The following NOX1 variants were observed in gnomAD, a reference collection of about 807,000 sequenced individuals.
The protein encoded by NOX1 is NADPH oxidase 1, also known as NADH/NADPH mitogenic oxidase subunit P65-MOX.
A neutral mutation model predicts 42.5 loss-of-function variants in NOX1; 34 were observed. That is an observed-to-expected ratio of 0.80 (90% CI 0.61 to 1.07). The LOEUF (loss-of-function observed/expected upper bound fraction) is 1.07. Ranked by LOEUF, NOX1 falls within the 50% of genes least tolerant of loss-of-function variation. The pLI is 0.00. For missense variants in NOX1, 408 were observed against 427.0 expected (o/e 0.96, Z 0.39); for synonymous variants, 143 against 152.5 (o/e 0.94, Z 0.46).
chrX:100,853,404 G>T (rs191631207), intron 7 of NOX1, among the ~76,000 whole-genome samples: 25 of 49,075 alleles, frequency 5.1e-4, no homozygotes, highest in African/African-American at 8.7e-4. Context: ...TCTTCCTTGC[G>T]TCCTTCCTTT....
At position 100,862,217 on chromosome X, in the gene NOX1, C is replaced by T. The variant is rs767549745; in HGVS notation, c.758G>A (p.Arg253His). 6.6e-6 allele frequency: 8 copies of T among 1,209,837 alleles called. No homozygotes were observed. The East Asian group carries it at 1.2e-4, about 18-fold the overall frequency. The change falls in exon 7 of 13, where the codon CGT becomes CAT. Residue 253 changes from arginine (R) to histidine (H), a missense_variant. Physicochemically the swap from Arg to His is conservative, Grantham distance 29 (BLOSUM62 0). Coordinates refer to ENST00000372966, the MANE Select transcript of NOX1 (RefSeq NM_007052.5). ...CTTAGGGCGCCTACAGTGGGAGTCA[C>T]GATCATCCCACATCTCAAAAGACTC... ...CAESFEMWDD[R>H]DSHCRRPKFE... is the part of the protein sequence containing the mutation.
In NOX1 at chrX:100,843,857, T is replaced by G; in HGVS notation, c.*95A>C. 2.7e-6 allele frequency: 2 copies of G among 746,371 alleles called. No individual in the cohort carries two copies. The highest frequency in any genetic ancestry group is 3.8e-4 in the Middle Eastern group (1 of 2,611). The allele number at this position is 746,371 out of a possible 1,213,427, so 61.5% of individuals were successfully genotyped here. A position where few individuals can be genotyped will look rare whatever the true frequency, so the allele number is the denominator to read the frequency against. Reference sequence around the variant, plus strand: ...GAGTCAAGGCTTGAGAGGCACATTCTTATCCTAAAGTGACTGCTCAAACCT... The same window carrying G: ...GAGTCAAGGCTTGAGAGGCACATTCGTATCCTAAAGTGACTGCTCAAACCT... On this transcript the variant is annotated 3_prime_UTR_variant, in exon 13 of 13. Coordinates refer to ENST00000372966, the MANE Select transcript of NOX1 (RefSeq NM_007052.5).
At chrX:100,866,488 CTGTGTGTGTGTG>C (rs36112590) in intron 2 of NOX1, among the ~76,000 whole-genome samples, 7 of 96,697 alleles carry the variant, frequency 7.2e-5, no homozygotes, top group South Asian at 5.1e-4. Flanking sequence ...GTGTGTGTCC[CTGTGTGTGTGTG>C]TGTGTGTGTG....
intron 1 of NOX1, among the ~76,000 whole-genome samples, chrX:100,873,528 T>C (rs2085288775): frequency 8.9e-6 from 1 of 112,270 alleles, no homozygotes; most frequent in South Asian, 3.7e-4. Context: ...AATAAAAATA[T>C]GTAAATTAGC....
chrX:100,870,909 T>C, intron 1 of NOX1, 95 bp from the exon 2 acceptor site: 1 of 547,860 alleles, frequency 1.8e-6, no homozygotes, highest in Non-Finnish European at 3.0e-6. Flanking sequence ...TGTCGCCGTT[T>C]TGGCTATTTT....
At position 100,850,184 on chromosome X, in the gene NOX1, C is replaced by G; in HGVS notation, c.1100G>C (p.Arg367Thr). ...AAGDWTENLI[R>T]AFEQQYSPIP... Reference sequence around the variant, plus strand: ...TGGTGAATATTGTTGTTCGAAAGCCCTTATGAGATTTTCTGTCCAGTCCCC... The same window carrying G: ...TGGTGAATATTGTTGTTCGAAAGCCGTTATGAGATTTTCTGTCCAGTCCCC... Residue 367 changes from arginine to threonine, a missense_variant, in exon 9 of 13, where the codon AGG becomes ACG. Arg to Thr is a moderately conservative substitution (Grantham distance 71). Coordinates refer to ENST00000372966, the MANE Select transcript of NOX1 (RefSeq NM_007052.5). 1.7e-6 allele frequency: 2 copies of G among 1,211,111 alleles called. No individual in the cohort carries two copies. The highest frequency in any genetic ancestry group is 2.2e-6 in the Non-Finnish European group (2 of 894,979).
intron 2 of NOX1, among the ~76,000 whole-genome samples, chrX:100,866,899 T>A (rs1430131502): frequency 1.8e-5 from 2 of 111,509 alleles, no homozygotes; most frequent in Admixed American, 1.9e-4. Flanking sequence ...CACTTGTGAC[T>A]GGGCATGGTC....
chrX:100,855,266 C>T (rs2085158428), intron 7 of NOX1: 1 of 561,699 alleles, frequency 1.8e-6, no homozygotes, highest in East Asian at 3.4e-5. Flanking sequence ...GCTCTCCTCT[C>T]CTGCTAAGCT....
chrX:100,864,890 T>C (rs945769114), intron 2 of NOX1, among the ~76,000 whole-genome samples: 1 of 112,290 alleles, frequency 8.9e-6, no homozygotes, highest in Non-Finnish European at 1.9e-5. Context: ...CAGCCTTACA[T>C]TGTGTGCCTG....
intron 2 of NOX1, among the ~76,000 whole-genome samples, chrX:100,865,888 A>C (rs953402537): frequency 2.7e-5 from 3 of 112,238 alleles, no homozygotes; most frequent in African/African-American, 9.7e-5. Flanking sequence ...ACCTGGTATG[A>C]GCTGGTTTCA....
Position 100,862,688 on chromosome X carries a change from G to A in NOX1, c.470C>T (p.Pro157Leu). 1 of 1,195,055 alleles carries A rather than the reference G, an allele frequency of 8.4e-7. No individual in the cohort carries two copies. Among genetic ancestry groups the A allele is most frequent in the Non-Finnish European group, 1.1e-6 (1 of 889,863 alleles). ...ACTCACCGTGTTTCGGGACTGGATG[G>A]GATTTAGCCAAGAACCCCCCTTTTT... ...DEKKGGSWLN[P>L]IQSRNTTVEY... The change falls in exon 5 of 13, where the codon CCC (proline) becomes CTC (leucine). Residue 157 changes from proline (P) to leucine (L), a missense_variant. Physicochemically the swap from Pro to Leu is moderately conservative, Grantham distance 98 (BLOSUM62 -3). Coordinates refer to ENST00000372966, the MANE Select transcript of NOX1 (RefSeq NM_007052.5).
intron 1 of NOX1, among the ~76,000 whole-genome samples, chrX:100,871,867 A>G (rs766180153): frequency 2.9e-4 from 32 of 111,949 alleles, no homozygotes; most frequent in Non-Finnish European, 5.8e-4. Context: ...TAGTACTATA[A>G]TATAGTGATT....
At chrX:100,868,472 T>C (rs992459640) in intron 2 of NOX1, among the ~76,000 whole-genome samples, 96 of 110,893 alleles carry the variant, frequency 8.7e-4, no homozygotes, top group African/African-American at 3.0e-3. Flanking sequence ...ACTCCGTGCT[T>C]CCTCCTGGTC....
rs757688304 is a variant in NOX1 at position 100,870,724 on chromosome X, G to A, written c.136C>T (p.Leu46Phe). ...GTGACAACCGTGATACTCACCCCAAGGATTTTTCTTGTGTAGTAGTATTTG... is the reference window on the plus strand; with the variant it reads ...GTGACAACCGTGATACTCACCCCAAAGATTTTTCTTGTGTAGTAGTATTTG... ...ADKYYYTRKI[L>F]GSTLACARAS... Residue 46 changes from leucine to phenylalanine, a missense_variant, in exon 2 of 13, where the codon CTT (leucine) becomes TTT (phenylalanine). Coordinates refer to ENST00000372966, the MANE Select transcript of NOX1 (RefSeq NM_007052.5). 7.9e-6 allele frequency: 9 copies of A among 1,141,279 alleles called. No homozygotes were observed. Among genetic ancestry groups the A allele is most frequent in the Middle Eastern group, 2.4e-4 (1 of 4,216 alleles). 94.1% of individuals were successfully genotyped at this position (1,141,279 alleles called of 1,213,427 possible).
intron 12 of NOX1, among the ~76,000 whole-genome samples, chrX:100,846,315 A>G (rs2085072979): frequency 8.9e-6 from 1 of 112,475 alleles, no homozygotes; most frequent in Non-Finnish European, 1.9e-5. Flanking sequence ...TAGGATTGCA[A>G]CTTCTCCACT....
At chrX:100,857,792 G>A (rs1260089012) in intron 7 of NOX1, among the ~76,000 whole-genome samples, 1 of 109,286 alleles carries the variant, frequency 9.2e-6, no homozygotes, top group Non-Finnish European at 1.9e-5. Flanking sequence ...ATTTGTTTAG[G>A]TTCCTTATAG....
chrX:100,849,640 A>G, intron 10 of NOX1, 132 bp downstream of exon 10: 1 of 698,204 alleles, frequency 1.4e-6, no homozygotes, highest in South Asian at 3.1e-5. Context: ...TGTCCTGGCC[A>G]AGAGAAGTGA....
At chrX:100,856,492 G>T (rs757952716) in intron 7 of NOX1, 2 of 344,535 alleles carry the variant, frequency 5.8e-6, no homozygotes, top group Non-Finnish European at 1.0e-5. Context: ...CGCTAATACA[G>T]ATCCCTGGTT....
At chrX:100,871,346 C>T (rs2085273592) in intron 1 of NOX1, among the ~76,000 whole-genome samples, 1 of 111,805 alleles carries the variant, frequency 8.9e-6, no homozygotes, top group Non-Finnish European at 1.9e-5. Flanking sequence ...AAACATTTGC[C>T]ATTTCTTGGA....
Sources: allele counts gnomAD v4.1 joint callset (sites outside exome capture counted in the v4.1 genomes callset), GRCh38; gene constraint gnomAD v4.1.1; transcripts MANE v1.5; gene names NCBI Gene and HGNC (gene_info 2026-07-23, HGNC 2026-07-21).